Variants in KRT8 observed in about 807,000 individuals in gnomAD.
KRT8 encodes keratin, type II cytoskeletal 8.
A neutral mutation model predicts 43.0 loss-of-function variants in KRT8; 24 were observed. The observed-to-expected ratio is 0.56, with a 90% CI of 0.40 to 0.78. The LOEUF (loss-of-function observed/expected upper bound fraction) is 0.78. KRT8 is among the 30% of genes least tolerant of loss of function. KRT8 has a pLI of 0.00. For synonymous variants in KRT8, 214 were observed against 261.2 expected, an observed-to-expected ratio of 0.82 and a Z score of 1.74; for missense variants, 492 against 638.4, an observed-to-expected ratio of 0.77 and a Z score of 2.47.
At chr12:52,919,967 C>T (rs1941850464) in intron 2 of KRT8, among the ~76,000 whole-genome samples, 1 of 152,092 alleles carries the variant, frequency 6.6e-6, no homozygotes, top group African/African-American at 2.4e-5. Context: ...CTAAACTAAT[C>T]CATGAGGAAG....
chr12:52,918,205 CAAGAAGAAGAAGAAGAAGAAG>C (rs371624304), intron 2 of KRT8, among the ~76,000 whole-genome samples: 5 of 116,670 alleles, frequency 4.3e-5, no homozygotes, highest in Admixed American at 8.8e-5. Flanking sequence ...AGAAGAAGAA[CAAGAAGAAGAAGAAGAAGAAG>C]AAGAAGAAGA....
chr12:52,949,387 G>A, intron 2 of KRT8: 1 of 1,611,944 alleles, frequency 6.2e-7, no homozygotes, highest in South Asian at 1.1e-5. Context: ...CGGGGGTCTG[G>A]CAGGAATGGG....
At chr12:52,905,030 A>T (rs752360906) in exon 1 of KRT8, 1 of 1,570,254 alleles carries the variant, frequency 6.4e-7, no homozygotes, top group South Asian at 1.1e-5. Flanking sequence ...CGGAGATCCT[A>T]GAAGGAGCGG....
At chr12:52,900,383 G>A (rs1210591480) in intron 4 of KRT8, among the ~76,000 whole-genome samples, 1 of 152,132 alleles carries the variant, frequency 6.6e-6, no homozygotes. Context: ...TGTGAAATGG[G>A]GTAATGACTC....
chr12:52,903,812 T>A lies in KRT8; in HGVS notation c.324+846A>T, dbSNP rs902139297. 2.0e-5 allele frequency among the ~76,000 whole-genome samples: 3 copies of A among 151,966 alleles called. No individual in the cohort carries two copies. In the South Asian group the frequency reaches 6.2e-4, roughly 32 times the overall value. The stretch of plus-strand genomic sequence containing the variant: ...ACGCCCGCAGACTTTGAATCCTGCA[T>A]GGGCTTTCCGAGGCCAGGCCCTGGC... On this transcript the variant is annotated intron_variant, in intron 1 of 7. Coordinates refer to ENST00000692008, the Ensembl canonical transcript of KRT8.
intron 2 of KRT8, among the ~76,000 whole-genome samples, chr12:52,926,104 C>A (rs749761396): frequency 2.6e-4 from 40 of 151,980 alleles, no homozygotes; most frequent in African/African-American, 3.4e-4. Flanking sequence ...CCTGAGACTT[C>A]TAGACATGTA....
At chr12:52,918,180 G>GGAAGAGGAAGAAGAAGAAGAAGAAGAA (rs1555188331) in intron 2 of KRT8, among the ~76,000 whole-genome samples, 9 of 73,716 alleles carry the variant, frequency 1.2e-4, no homozygotes, top group African/African-American at 4.8e-4. Flanking sequence ...AAGAGGAAGA[G>GGAAGAGGAAGAAGAAGAAGAAGAAGAA]GAAGAAGAAG....
chr12:52,922,184 T>TAAAAAAAAAAAAAAAA (rs57023136), intron 2 of KRT8, among the ~76,000 whole-genome samples: 3 of 38,728 alleles, frequency 7.7e-5, no homozygotes, highest in Non-Finnish European at 1.3e-4. Flanking sequence ...ACCCTGTCTC[T>TAAAAAAAAAAAAAAAA]AAAAAAAAAA....
chr12:52,931,705 C>A (rs1248417897), intron 2 of KRT8, among the ~76,000 whole-genome samples: 3 of 151,358 alleles, frequency 2.0e-5, no homozygotes, highest in Non-Finnish European at 4.4e-5. Flanking sequence ...TCTTGTTGCC[C>A]AGGCTGGATT....
At chr12:52,941,288 C>T (rs1942263829) in intron 2 of KRT8, among the ~76,000 whole-genome samples, 1 of 151,890 alleles carries the variant, frequency 6.6e-6, no homozygotes, top group Non-Finnish European at 1.5e-5. Flanking sequence ...ATCATAGGCT[C>T]AGCCTTATAT....
At chr12:52,900,934 A>G in intron 3 of KRT8, 2 of 635,962 alleles carry the variant, frequency 3.1e-6, no homozygotes, top group Non-Finnish European at 5.7e-6. Flanking sequence ...CTCCAGTTCT[A>G]CTGCTCTGTT....
chr12:52,926,354 G>T, intron 2 of KRT8: 1 of 604,274 alleles, frequency 1.7e-6, no homozygotes, highest in South Asian at 1.6e-5. Context: ...CCACCCCCAG[G>T]ACTGTGCCCT....
At chr12:52,900,101 T>C (rs749367251) in intron 4 of KRT8, 36 bp from the exon 5 acceptor site, 4 of 1,607,550 alleles carry the variant, frequency 2.5e-6, no homozygotes, top group Non-Finnish European at 3.4e-6. Flanking sequence ...AGGCCCTGTC[T>C]CTGCACACAG....
chr12:52,915,063 T>C (rs1214587438), intron 2 of KRT8, among the ~76,000 whole-genome samples: 1 of 151,918 alleles, frequency 6.6e-6, no homozygotes, highest in African/African-American at 2.4e-5. Context: ...ACCCAACCTA[T>C]AGAGAAAGGG....
intron 6 of KRT8, 52 bp from the exon 7 acceptor site, chr12:52,898,571 C>T (rs1458790399): frequency 6.2e-7 from 1 of 1,612,642 alleles, no homozygotes; most frequent in Admixed American, 1.7e-5. Flanking sequence ...CTTCTTGGCC[C>T]AGAACAACAG....
chr12:52,900,912 C>T, intron 3 of KRT8: 1 of 633,084 alleles, frequency 1.6e-6, no homozygotes, highest in South Asian at 1.8e-5. Flanking sequence ...AGGGAGCCTT[C>T]TAGAGCCAGA....
At chr12:52,926,488 A>G in intron 2 of KRT8, 1 of 1,533,536 alleles carries the variant, frequency 6.5e-7, no homozygotes, top group Non-Finnish European at 8.7e-7. Context: ...TGCATCAGGC[A>G]CCTCCCCACA....
intron 2 of KRT8, among the ~76,000 whole-genome samples, chr12:52,944,823 C>T (rs978792851): frequency 6.6e-6 from 1 of 152,190 alleles, no homozygotes; most frequent in African/African-American, 2.4e-5. Context: ...CCTGAGAACC[C>T]GTTCCCACCT....
At chr12:52,901,618 T>A (rs898730255) in intron 2 of KRT8, 7 of 591,460 alleles carry the variant, frequency 1.2e-5, no homozygotes, top group African/African-American at 7.4e-5. Context: ...CATGTCAACA[T>A]TGACACATAA....
Sources: allele counts gnomAD v4.1 joint callset (sites outside exome capture counted in the v4.1 genomes callset), GRCh38; gene constraint gnomAD v4.1.1; transcripts MANE v1.5; gene names NCBI Gene and HGNC (gene_info 2026-07-23, HGNC 2026-07-21).